Variants in RAB43 observed in about 807,000 individuals in gnomAD.
RAB43 encodes the protein ras-related protein Rab-43.
Under a neutral mutation model 18.8 loss-of-function variants are expected in RAB43, and 6 were observed. The ratio of observed to expected loss-of-function variants is 0.32; its 90% confidence interval spans 0.17 to 0.63. The LOEUF is 0.63. RAB43 is among the 30% of genes least tolerant of loss of function. RAB43 has a pLI of 0.79. For synonymous variants in RAB43, 103 were observed against 124.1 expected (o/e 0.83, Z 1.13); for missense variants, 195 against 289.1 (o/e 0.67, Z 2.36).
At chr3:129,093,054 G>A (rs574504945) in intron 2 of RAB43, among the ~76,000 whole-genome samples, 3 of 151,318 alleles carry the variant, frequency 2.0e-5, no homozygotes, top group Admixed American at 6.6e-5. Flanking sequence ...ACAGTGGCAC[G>A]ATCTCGGCTC....
At chr3:129,099,655 G>A (rs996832462) in intron 1 of RAB43, among the ~76,000 whole-genome samples, 3 of 152,184 alleles carry the variant, frequency 2.0e-5, no homozygotes, top group African/African-American at 7.2e-5. Context: ...CAAAGTGCTG[G>A]GATTACAGGC....
chr3:129,106,235 A>G (rs762256455), intron 1 of RAB43, among the ~76,000 whole-genome samples: 1 of 152,260 alleles, frequency 6.6e-6, no homozygotes, highest in Non-Finnish European at 1.5e-5. Flanking sequence ...TGAGTAACGA[A>G]GCAGGCAGTG....
chr3:129,104,441 G>A (rs894535819), intron 1 of RAB43, among the ~76,000 whole-genome samples: 2 of 152,334 alleles, frequency 1.3e-5, no homozygotes, highest in Non-Finnish European at 2.9e-5. Flanking sequence ...TTCGGGGAAA[G>A]GTGAAGTCCA....
chr3:129,113,833 C>T (rs932828198), intron 1 of RAB43, among the ~76,000 whole-genome samples: 2 of 152,028 alleles, frequency 1.3e-5, no homozygotes, highest in African/African-American at 4.8e-5. Context: ...TCGAGACCAT[C>T]CTGGCTAACA....
intron 1 of RAB43, among the ~76,000 whole-genome samples, chr3:129,104,543 C>T (rs1216634990): frequency 1.3e-5 from 2 of 152,148 alleles, no homozygotes; most frequent in Admixed American, 1.3e-4. Flanking sequence ...AGCAGCACTC[C>T]CCCTCCTCTC....
At chr3:129,097,546 C>A (rs1004046641) in intron 1 of RAB43, among the ~76,000 whole-genome samples, 1 of 152,028 alleles carries the variant, frequency 6.6e-6, no homozygotes, top group African/African-American at 2.4e-5. Flanking sequence ...GTTCCTCTAC[C>A]TAAAGAAATC....
At chr3:129,102,828 C>T (rs920757158) in intron 1 of RAB43, among the ~76,000 whole-genome samples, 2 of 152,096 alleles carry the variant, frequency 1.3e-5, no homozygotes, top group Non-Finnish European at 1.5e-5. Flanking sequence ...TGGCATTAGG[C>T]AGCACCCAAG....
At chr3:129,108,927 G>A (rs1219262940) in intron 1 of RAB43, among the ~76,000 whole-genome samples, 3 of 152,088 alleles carry the variant, frequency 2.0e-5, no homozygotes, top group South Asian at 4.1e-4. Flanking sequence ...CCCCTAGGAC[G>A]CATTCTTGCC....
intron 2 of RAB43, among the ~76,000 whole-genome samples, chr3:129,093,312 G>A (rs897265166): frequency 2.0e-5 from 3 of 152,054 alleles, no homozygotes; most frequent in Non-Finnish European, 4.4e-5. Flanking sequence ...GAAATGTCCT[G>A]GATAAATGGG....
intron 1 of RAB43, among the ~76,000 whole-genome samples, chr3:129,108,003 G>T (rs1237061809): frequency 1.3e-5 from 2 of 152,208 alleles, no homozygotes; most frequent in Admixed American, 1.3e-4. Context: ...CCACCAGGCT[G>T]GCCCTCGTAT....
intron 1 of RAB43, among the ~76,000 whole-genome samples, chr3:129,120,510 A>G (rs891735492): frequency 2.6e-5 from 4 of 152,216 alleles, no homozygotes. Context: ...GAGTACTAAC[A>G]CCTAGGTTAA....
intron 1 of RAB43, among the ~76,000 whole-genome samples, chr3:129,116,980 A>C (rs552126136): frequency 2.0e-4 from 31 of 152,204 alleles, no homozygotes; most frequent in African/African-American, 7.2e-4. Flanking sequence ...GGGCAAATTC[A>C]GACCTAATCT....
At chr3:129,110,806 A>G (rs1935117396) in intron 1 of RAB43, among the ~76,000 whole-genome samples, 2 of 150,294 alleles carry the variant, frequency 1.3e-5, no homozygotes. Flanking sequence ...AGTATATTAA[A>G]AAACAAAAAA....
At chr3:129,108,232 G>C (rs1417674126) in intron 1 of RAB43, among the ~76,000 whole-genome samples, 4 of 152,150 alleles carry the variant, frequency 2.6e-5, no homozygotes, top group Non-Finnish European at 2.9e-5. Flanking sequence ...CCCCCACCAA[G>C]CTCCACAGAA....
At chr3:129,121,219 G>A in intron 1 of RAB43, 67 bp downstream of exon 1, 1 of 1,399,446 alleles carries the variant, frequency 7.1e-7, no homozygotes, top group Admixed American at 2.4e-5. Context: ...GCCGCGGCCA[G>A]GGGCTCCGCT....
At position 129,121,787 on chromosome 3, in the gene RAB43, T is replaced by C. The variant is rs1405437564; in HGVS notation, c.-298A>G. 1.7e-4 allele frequency: 31 copies of C among 185,658 alleles called. No homozygotes were observed. Among genetic ancestry groups the C allele is most frequent in the African/African-American group, 7.8e-4 (29 of 37,324 alleles). 11.5% of individuals were successfully genotyped at this position (185,658 alleles called of 1,614,324 possible). On this transcript the variant is annotated 5_prime_UTR_variant, in exon 1 of 3. Transcript: ENST00000315150. ...CGCAAAGCTCCGGCCGGTCCTCAGC[T>C]CCGTGCCACACCAGTCTGGCCTGTA...
At position 129,103,974 on chromosome 3, in the gene RAB43, T is replaced by C. The variant is rs372637201; in HGVS notation, c.205-8805A>G. On this transcript the variant is annotated intron_variant, in intron 1 of 2. Coordinates refer to ENST00000315150, the MANE Select transcript of RAB43 (RefSeq NM_198490.3). ...CACACACACACATGCACACACACTTTTTAAAGGTTTACTTTCTCTGCCTCA... is the reference window on the plus strand; with the variant it reads ...CACACACACACATGCACACACACTTCTTAAAGGTTTACTTTCTCTGCCTCA... Among the ~76,000 whole-genome samples the C allele has an allele frequency of 1.6e-4, 24 of 152,296 alleles. No individual in the cohort carries two copies. In the South Asian group the frequency reaches 5.0e-3, roughly 32 times the overall value.
chr3:129,110,803 TAAAAAAC>T lies in RAB43; in HGVS notation c.204+10476_204+10482del, dbSNP rs368791337. On this transcript the variant is annotated intron_variant, in intron 1 of 2. Coordinates refer to ENST00000315150, the MANE Select transcript of RAB43 (RefSeq NM_198490.3). ...TGACTGCACAACTCTTTGAGTATAT[TAAAAAAC>T]AAAAAACAAAAAACAAAAAAAACAC... Among the ~76,000 whole-genome samples the T allele has an allele frequency of 6.1e-3, 928 of 151,080 alleles. 4 individuals carry two copies. The highest frequency in any genetic ancestry group is 0.015 in the African/African-American group (637 of 41,166).
chr3:129,121,293 C>A lies in RAB43; in HGVS notation c.197G>T (p.Arg66Leu), dbSNP rs377487313. The A allele has an allele frequency of 2.8e-5, 45 of 1,604,968 alleles. No individual in the cohort carries two copies. The African/African-American group carries it at 5.2e-4, about 19-fold the overall frequency. The change falls in exon 1 of 3, where the codon CGG becomes CTG. Residue 66 changes from arginine (R) to leucine (L), a missense_variant. Physicochemically the swap from Arg to Leu is moderately radical, Grantham distance 102. Transcript: ENST00000315150. Reference protein sequence around the residue: ...TMKTLEIQGKRVKLQIWDTAG... With the variant: ...TMKTLEIQGKLVKLQIWDTAG... ...CCCTGGCCGGCCTCCCACCTTGACC[C>A]GCTTGCCCTGGATCTCCAGCGTCTT... is the stretch of plus-strand genomic sequence containing the variant.
Sources: allele counts gnomAD v4.1 joint callset (sites outside exome capture counted in the v4.1 genomes callset), GRCh38; gene constraint gnomAD v4.1.1; transcripts MANE v1.5; gene names NCBI Gene and HGNC (gene_info 2026-07-23, HGNC 2026-07-21).